GFUS: variants seen among roughly 807,000 people sequenced by gnomAD.
GFUS encodes 3-5 epimerase/4-reductase.
GFUS carries 42 observed loss-of-function variants against 41.5 expected under a neutral mutation model. The observed-to-expected ratio is 1.01, with a 90% CI of 0.79 to 1.31. GFUS has a LOEUF of 1.31. GFUS is among the 50% of genes most tolerant of loss of function. GFUS has a pLI of 0.00. For missense variants in GFUS, 437 were observed against 428.7 expected, an observed-to-expected ratio of 1.02 and a Z score of -0.17; for synonymous variants, 188 against 173.4, an observed-to-expected ratio of 1.08 and a Z score of -0.66.
intron 2 of GFUS, 42 bp downstream of exon 2, chr8:143,616,525 A>G (rs1312527507): frequency 6.2e-7 from 1 of 1,613,066 alleles, no homozygotes; most frequent in Non-Finnish European, 8.5e-7. Flanking sequence ...GGTGGGGGGT[A>G]GGATGGAGAG....
intron 3 of GFUS, among the ~76,000 whole-genome samples, chr8:143,615,414 G>A (rs1037667588): frequency 2.0e-5 from 3 of 152,204 alleles, no homozygotes; most frequent in Admixed American, 1.3e-4. Context: ...CTGGAGCCCT[G>A]GGACTGGTCT....
Position 143,614,185 on chromosome 8 carries a change from C to T in GFUS, c.642G>A (p.Arg214=), listed in dbSNP as rs750916281. ...ALTVWGTGNP[R]RQFIYSLDLA... is the part of the protein sequence containing the mutation. ...GCACCAGCGAGTATATGAACTGCCT[C>T]CGCGGATTCCCTGTACCCCACACCG... The change falls in exon 7 of 11, where the codon CGG becomes CGA. Residue 214 remains arginine, a synonymous_variant. Coordinates refer to ENST00000425753, the MANE Select transcript of GFUS (RefSeq NM_003313.4). 1.9e-6 allele frequency: 3 copies of T among 1,613,406 alleles called. No homozygotes were observed. The highest frequency in any genetic ancestry group is 2.2e-5 in the East Asian group (1 of 44,892).
rs751150892 is a variant in GFUS, at chr8:143,614,931, G to A, written c.262-16C>T. On this transcript the variant is annotated splice_polypyrimidine_tract_variant and intron_variant, in intron 3 of 10. Coordinates refer to ENST00000425753, the MANE Select transcript of GFUS (RefSeq NM_003313.4). ...CGTTTTTCCTCTGCAGGGGTGAGGC[G>A]GGGACAGTTCAGGCTCCCCAGGCCA... 2.0e-5 allele frequency: 32 copies of A among 1,589,710 alleles called. No homozygotes were observed. In the South Asian group the frequency reaches 2.6e-4, roughly 13 times the overall value.
Position 143,613,336 on chromosome 8 carries a change from AC to A in GFUS, c.811-42del, listed in dbSNP as rs766540669. The A allele has an allele frequency of 1.9e-6, 3 of 1,587,806 alleles. No individual in the cohort carries two copies. The South Asian group carries it at 3.3e-5, about 18-fold the overall frequency. On this transcript the variant is annotated intron_variant, in intron 9 of 10. Transcript: ENST00000425753. ...AGGCCACAGCGAGAAGAGCACCTCCACCCCAGCCCCCGCAGCTTGCCCTTGA... is the reference window on the plus strand; with the variant it reads ...AGGCCACAGCGAGAAGAGCACCTCCACCCAGCCCCCGCAGCTTGCCCTTGA...
chr8:143,614,798 C>T lies in GFUS; in HGVS notation c.379G>A (p.Asp127Asn). The part of the protein sequence containing the change: ...IFPDKTTYPI[D>N]ETMIHNGPPH... ...GCCCTGCCCCTCACCATGGTCTCATCTATCGGGTAGGTCGTCTTGTCAGGG... is the reference window on the plus strand; with the variant it reads ...GCCCTGCCCCTCACCATGGTCTCATTTATCGGGTAGGTCGTCTTGTCAGGG... Residue 127 changes from aspartate (D) to asparagine (N), a missense_variant, in exon 4 of 11, where the codon GAT becomes AAT. Coordinates refer to ENST00000425753, the MANE Select transcript of GFUS (RefSeq NM_003313.4). 6.2e-7 allele frequency: 1 copy of T among 1,613,712 alleles called. No individual in the cohort carries two copies. Among genetic ancestry groups the T allele is most frequent in the Non-Finnish European group, 8.5e-7 (1 of 1,180,022 alleles).
intron 10 of GFUS, 61 bp downstream of exon 10, chr8:143,613,135 G>C: frequency 1.9e-6 from 3 of 1,565,950 alleles, no homozygotes; most frequent in Non-Finnish European, 2.6e-6. Context: ...CTGGTAGCGA[G>C]CATGAGGGAG....
At chr8:143,615,284 C>T (rs960230396) in intron 3 of GFUS, among the ~76,000 whole-genome samples, 3 of 152,144 alleles carry the variant, frequency 2.0e-5, no homozygotes, top group African/African-American at 7.2e-5. Context: ...ACAGGGCGGT[C>T]TACTTCCCCA....
intron 7 of GFUS, 49 bp downstream of exon 7, chr8:143,614,115 G>C: frequency 6.2e-7 from 1 of 1,606,628 alleles, no homozygotes; most frequent in Non-Finnish European, 8.5e-7. Context: ...CCAGCCCAGG[G>C]CTCAATAGGG....
intron 7 of GFUS, 21 bp from the exon 8 acceptor site, chr8:143,613,838 G>T (rs994121141): frequency 2.5e-5 from 38 of 1,550,482 alleles, no homozygotes; most frequent in Non-Finnish European, 3.2e-5. Context: ...GACAGGCAGG[G>T]TCAGAGACCA....
intron 7 of GFUS, 59 bp downstream of exon 7, chr8:143,614,105 C>A (rs1365805783): frequency 3.1e-6 from 5 of 1,602,460 alleles, no homozygotes; most frequent in Non-Finnish European, 4.2e-6. Flanking sequence ...CCAGCAGGGG[C>A]CAGCCCAGGG....
At chr8:143,614,085 C>T (rs1829652516) in intron 7 of GFUS, 79 bp downstream of exon 7, 19 of 1,577,476 alleles carry the variant, frequency 1.2e-5, no homozygotes, top group South Asian at 2.2e-5. Flanking sequence ...TGCACCACCT[C>T]CCCGACAGCC....
chr8:143,614,518 G>C (rs969017027), intron 5 of GFUS, 65 bp from the exon 6 acceptor site: 2 of 1,569,030 alleles, frequency 1.3e-6, no homozygotes, highest in Non-Finnish European at 1.7e-6. Context: ...GCTGCCGCTG[G>C]CCTCTTACTG....
chr8:143,612,777 G>T lies in GFUS; in HGVS notation c.*133C>A. ...TGGGGGCCCCACTGGAAAGATGCTT[G>T]GGGCTGCAGAGCGGATGGAATGCAG... On this transcript the variant is annotated 3_prime_UTR_variant, in exon 11 of 11. Coordinates refer to ENST00000425753, the MANE Select transcript of GFUS (RefSeq NM_003313.4). 8.7e-7 allele frequency: 1 copy of T among 1,146,948 alleles called. No individual in the cohort carries two copies. The highest frequency in any genetic ancestry group is 1.2e-6 in the Non-Finnish European group (1 of 809,118). The allele number at this position is 1,146,948 out of a possible 1,614,324, so 71.0% of individuals were successfully genotyped here. A position where few individuals can be genotyped will look rare whatever the true frequency, so the allele number is the denominator to read the frequency against.
At chr8:143,614,960 C>A in intron 3 of GFUS, 45 bp from the exon 4 acceptor site, 1 of 1,559,160 alleles carries the variant, frequency 6.4e-7, no homozygotes, top group Admixed American at 1.8e-5. Context: ...CAGGCCAGAT[C>A]CCAGCCCTTA....
chr8:143,614,898 C>T lies in GFUS; in HGVS notation c.279G>A (p.Met93Ile). The stretch of plus-strand genomic sequence containing the variant: ...AGGCCGAGTGCAGGACGTTGTCGTT[C>T]ATGTGCACGTTTTTCCTCTGCAGGG... ...NLDFWRKNVH[M>I]NDNVLHSAFE... is the part of the protein sequence containing the mutation. The change falls in exon 4 of 11, where the codon ATG (methionine) becomes ATA (isoleucine). Residue 93 changes from methionine (M) to isoleucine (I), a missense_variant. Physicochemically the swap from Met to Ile is conservative, Grantham distance 10. Coordinates refer to ENST00000425753, the MANE Select transcript of GFUS (RefSeq NM_003313.4). 5 of 1,609,858 alleles carry T rather than the reference C, an allele frequency of 3.1e-6. No individual in the cohort carries two copies. The highest frequency in any genetic ancestry group is 4.2e-6 in the Non-Finnish European group (5 of 1,177,214).
rs1248617132 is a variant in GFUS at position 143,616,707 on chromosome 8, A to G, written c.6T>C (p.Gly2=). ...GAATCCGCATGGATCCCTGGGGTTC[A>G]CCCATGTCAGTTGCACCTGTAATGT... is the stretch of plus-strand genomic sequence containing the variant. M[G]EPQGSMRILV... is the part of the protein sequence containing the mutation. The change falls in exon 2 of 11, where the codon GGT becomes GGC. Residue 2 remains glycine (G), a synonymous_variant. Transcript: ENST00000425753. 2 of 1,613,648 alleles carry G rather than the reference A, an allele frequency of 1.2e-6. No homozygotes were observed. Among genetic ancestry groups the G allele is most frequent in the Admixed American group, 1.7e-5 (1 of 60,014 alleles).
At position 143,614,808 on chromosome 8, in the gene GFUS, G is replaced by C; in HGVS notation, c.369C>G (p.Thr123=). The C allele has an allele frequency of 1.2e-6, 2 of 1,613,750 alleles. No homozygotes were observed. The highest frequency in any genetic ancestry group is 1.7e-6 in the Non-Finnish European group (2 of 1,180,022). Residue 123 remains threonine (T), a synonymous_variant, in exon 4 of 11, where the codon ACC becomes ACG. Coordinates refer to ENST00000425753, the MANE Select transcript of GFUS (RefSeq NM_003313.4). ...LSTCIFPDKT[T]YPIDETMIHN... is the part of the protein sequence containing the mutation. ...TCACCATGGTCTCATCTATCGGGTAGGTCGTCTTGTCAGGGAAGATACAGG... is the reference window on the plus strand; with the variant it reads ...TCACCATGGTCTCATCTATCGGGTACGTCGTCTTGTCAGGGAAGATACAGG...
chr8:143,613,640 C>T (rs1161809970), intron 8 of GFUS, 37 bp from the exon 9 acceptor site: 3 of 1,606,796 alleles, frequency 1.9e-6, no homozygotes, highest in Admixed American at 3.4e-5. Context: ...CCCCTTGGTG[C>T]CACCCGACGG....
At chr8:143,615,765 C>CAG (rs1360606445) in intron 3 of GFUS, 1 of 279,922 alleles carries the variant, frequency 3.6e-6, no homozygotes, top group African/African-American at 2.2e-5. Flanking sequence ...TCCTGGGAGC[C>CAG]AGAGGCTCCA....
Sources: gnomAD v4.1 joint callset for allele counts (sites outside exome capture counted in the v4.1 genomes callset) on GRCh38, gnomAD v4.1.1 for gene constraint, MANE v1.5 for transcripts, NCBI Gene and HGNC (gene_info 2026-07-23, HGNC 2026-07-21) for gene names.